The following CAPN3 variants were observed in gnomAD, a reference collection of about 807,000 sequenced individuals.
CAPN3 encodes the protein calpain-3.
A neutral mutation model predicts 114.0 loss-of-function variants in CAPN3; 88 were observed. That is an observed-to-expected ratio of 0.77 (90% CI 0.65 to 0.92). The LOEUF (loss-of-function observed/expected upper bound fraction) is 0.92. Among genes scored for constraint, CAPN3 ranks in the 40% least tolerant of loss-of-function variants. The pLI is 0.00. For missense variants in CAPN3, 1,028 were observed against 1,069.0 expected (o/e 0.96, Z 0.53); for synonymous variants, 386 against 382.9 (o/e 1.01, Z -0.09).
chr15:42,380,356 C>T (rs1313558641), intron 1 of CAPN3, among the ~76,000 whole-genome samples: 3 of 124,422 alleles, frequency 2.4e-5, no homozygotes, highest in South Asian at 5.2e-4. Flanking sequence ...CCTTTTACCT[C>T]TTCTTTTTTG....
At chr15:42,364,999 T>G (rs2052742270) in intron 1 of CAPN3, among the ~76,000 whole-genome samples, 2 of 152,110 alleles carry the variant, frequency 1.3e-5, no homozygotes, top group South Asian at 4.1e-4. Context: ...GATCCCAGAA[T>G]TGCTCCACAG....
intron 3 of CAPN3, 152 bp from the exon 4 acceptor site, chr15:42,387,601 A>C (rs1453768945): frequency 2.0e-6 from 2 of 991,448 alleles, no homozygotes; most frequent in Non-Finnish European, 3.2e-6. Context: ...TACACACCCC[A>C]AACACAAAAT....
At position 42,396,785 on chromosome 15, in the gene CAPN3, C is replaced by T; in HGVS notation, c.1116-15C>T. The T allele has an allele frequency of 2.5e-6, 4 of 1,608,750 alleles. No homozygotes were observed. Among genetic ancestry groups the T allele is most frequent in the Non-Finnish European group, 3.4e-6 (4 of 1,175,174 alleles). On this transcript the variant is annotated splice_polypyrimidine_tract_variant and intron_variant, in intron 8 of 23. Transcript: ENST00000397163. ...CCTTCTTCCTGCTTCCTTAATTCCT[C>T]CATTTTCCCACCAGATGGAAGGACT...
intron 15 of CAPN3, among the ~76,000 whole-genome samples, chr15:42,407,146 C>T (rs1030022499): frequency 3.3e-5 from 5 of 152,160 alleles, no homozygotes; most frequent in South Asian, 2.1e-4. Flanking sequence ...AGCCGCTCTC[C>T]GTCCTTTTCA....
In CAPN3 at chr15:42,409,810, G is replaced by A; in HGVS notation, c.2016G>A (p.Glu672=). The A allele has an allele frequency of 6.5e-7, 1 of 1,538,704 alleles. No individual in the cohort carries two copies. The highest frequency in any genetic ancestry group is 8.8e-7 in the Non-Finnish European group (1 of 1,139,268). The change falls in exon 18 of 24, where the codon GAG becomes GAA. Residue 672 remains glutamate, a synonymous_variant. Coordinates refer to ENST00000397163, the MANE Select transcript of CAPN3 (RefSeq NM_000070.3). ...AGDDMEICAD[E]LKKVLNTVVN... ...AGGACATGGAGATCTGTGCAGATGA[G>A]CTCAAGAAGGTCCTTAACACAGTCG...
rs2054275575 is a variant in CAPN3 at position 42,412,098 on chromosome 15, A to G, written c.*325A>G. Reference sequence around the variant, plus strand: ...TACCTTGCTCTAGGCTGTCTGCAGAAGCACCTGCCGGTGGCACTCAGCACC... The same window carrying G: ...TACCTTGCTCTAGGCTGTCTGCAGAGGCACCTGCCGGTGGCACTCAGCACC... On this transcript the variant is annotated 3_prime_UTR_variant, in exon 24 of 24. Transcript: ENST00000397163. 6.5e-7 allele frequency: 1 copy of G among 1,535,442 alleles called. No homozygotes were observed.
intron 15 of CAPN3, among the ~76,000 whole-genome samples, chr15:42,407,096 C>A (rs2054045782): frequency 6.6e-6 from 1 of 152,208 alleles, no homozygotes; most frequent in Non-Finnish European, 1.5e-5. Context: ...CCGGCTTTCC[C>A]TACAGGTGCA....
At chr15:42,380,751 A>ATATATATATATATATATT (rs1436943739) in intron 1 of CAPN3, among the ~76,000 whole-genome samples, 4 of 64,454 alleles carry the variant, frequency 6.2e-5, no homozygotes, top group African/African-American at 3.6e-4. Context: ...ATATATATAT[A>ATATATATATATATATATT]TTTTTTTTTT....
At chr15:42,378,416 C>T (rs567556120) in intron 1 of CAPN3, among the ~76,000 whole-genome samples, 12 of 152,300 alleles carry the variant, frequency 7.9e-5, no homozygotes, top group African/African-American at 2.6e-4. Flanking sequence ...TCTAGGCCTT[C>T]CAAGAGGGTT....
intron 1 of CAPN3, among the ~76,000 whole-genome samples, chr15:42,365,621 C>G (rs2052759472): frequency 6.6e-6 from 1 of 152,130 alleles, no homozygotes; most frequent in Non-Finnish European, 1.5e-5. Flanking sequence ...ACTCCTGTCC[C>G]CACCTCTCTG....
chr15:42,401,107 T>C (rs28364481), intron 10 of CAPN3, among the ~76,000 whole-genome samples: 2,248 of 151,654 alleles, frequency 0.015, 55 homozygotes, highest in African/African-American at 0.052. Context: ...GTCAGAAGAA[T>C]CGCTTGAACC....
chr15:42,361,682 C>T (rs1414688385), intron 1 of CAPN3, among the ~76,000 whole-genome samples: 1 of 152,184 alleles, frequency 6.6e-6, no homozygotes, highest in African/African-American at 2.4e-5. Context: ...TCGGCCCCCA[C>T]TGCCTTCAGG....
At chr15:42,373,106 T>C (rs1175005140) in intron 1 of CAPN3, among the ~76,000 whole-genome samples, 3 of 151,000 alleles carry the variant, frequency 2.0e-5, no homozygotes, top group Non-Finnish European at 2.9e-5. Context: ...GGCGGGAGAA[T>C]TGCTTGAACC....
At chr15:42,369,870 C>CTTTT (rs748584513) in intron 1 of CAPN3, among the ~76,000 whole-genome samples, 19 of 127,022 alleles carry the variant, frequency 1.5e-4, no homozygotes, top group East Asian at 2.2e-4. Flanking sequence ...TTCTTTCTTT[C>CTTTT]TTTTTTTTTT....
At chr15:42,388,323 G>T (rs1226184250) in intron 4 of CAPN3, among the ~76,000 whole-genome samples, 1 of 152,010 alleles carries the variant, frequency 6.6e-6, no homozygotes, top group Admixed American at 6.6e-5. Context: ...AAATTTTTTT[G>T]AAACAAGGTC....
Position 42,402,457 on chromosome 15 carries a change from G to C in CAPN3, c.1536+322G>C, listed in dbSNP as rs994115511. On this transcript the variant is annotated intron_variant, in intron 12 of 23. Coordinates refer to ENST00000397163, the MANE Select transcript of CAPN3 (RefSeq NM_000070.3). The stretch of plus-strand genomic sequence containing the variant: ...CGTTCTGAGGGTGGCTGCCCGCTTG[G>C]GATGGAGGAATCACTTCCCTCAGAA... The C allele has an allele frequency of 3.5e-5, 50 of 1,428,162 alleles. No individual in the cohort carries two copies. The African/African-American group carries it at 7.2e-4, about 21-fold the overall frequency. The allele number at this position is 1,428,162 out of a possible 1,614,324, so 88.5% of individuals were successfully genotyped here.
intron 1 of CAPN3, among the ~76,000 whole-genome samples, chr15:42,380,751 A>ATATATATATATATATATTTTT (rs1436943739): frequency 7.8e-5 from 5 of 64,456 alleles, no homozygotes; most frequent in African/African-American, 4.5e-4. Flanking sequence ...ATATATATAT[A>ATATATATATATATATATTTTT]TTTTTTTTTT....
In CAPN3 at chr15:42,408,832, G is replaced by GC. The variant is rs997100415; in HGVS notation, c.1915-467dup. The GC allele has an allele frequency of 4.3e-5, 12 of 280,356 alleles. No homozygotes were observed. The Admixed American group carries it at 4.4e-4, about 10-fold the overall frequency. 17.4% of individuals were successfully genotyped at this position (280,356 alleles called of 1,614,324 possible). ...TCCAGGGCCCCTCTTCTATCCGGGG[G>GC]CCCCTCTTCTATCCAGGGCCCCTCT... On this transcript the variant is annotated intron_variant, in intron 16 of 23. Transcript: ENST00000397163.
At chr15:42,402,397 C>T in intron 12 of CAPN3, 2 of 1,444,594 alleles carry the variant, frequency 1.4e-6, no homozygotes, top group Non-Finnish European at 1.8e-6. Flanking sequence ...TCACCCTCCT[C>T]CACGCTTACA....
Sources: allele counts gnomAD v4.1 joint callset (sites outside exome capture counted in the v4.1 genomes callset), GRCh38; gene constraint gnomAD v4.1.1; transcripts MANE v1.5; gene names NCBI Gene and HGNC (gene_info 2026-07-23, HGNC 2026-07-21).